Variants in DENND4C observed in about 807,000 individuals in gnomAD.
The protein encoded by DENND4C is DENN domain containing 4C.
In DENND4C, 108 loss-of-function variants were observed where a neutral mutation model predicts 203.0. The ratio of observed to expected loss-of-function variants is 0.53; its 90% CI spans 0.46 to 0.62. The LOEUF (loss-of-function observed/expected upper bound fraction) is 0.62, where lower values mean the gene tolerates loss of function less well. DENND4C is among the 20% of genes least tolerant of loss of function. DENND4C has a pLI of 0.00. For synonymous variants in DENND4C, 871 were observed against 792.4 expected, an observed-to-expected ratio of 1.10 and a Z score of -1.67; for missense variants, 2,481 against 2,301.2, an observed-to-expected ratio of 1.08 and a Z score of -1.60.
At chr9:19,337,714 G>C (rs1820791365) in intron 20 of DENND4C, 1 of 1,195,266 alleles carries the variant, frequency 8.4e-7, no homozygotes, top group Non-Finnish European at 1.1e-6. Context: ...TGACCTGCAA[G>C]GGTGGGGGAA....
At chr9:19,262,533 A>G (rs941589978) in intron 1 of DENND4C, among the ~76,000 whole-genome samples, 10 of 150,294 alleles carry the variant, frequency 6.7e-5, no homozygotes, top group African/African-American at 2.0e-4. Context: ...CCAGGTTCAC[A>G]TGATTCTCAT....
At chr9:19,308,441 C>G (rs149823092) in intron 10 of DENND4C, among the ~76,000 whole-genome samples, 304 of 152,260 alleles carry the variant, frequency 2.0e-3, no homozygotes, top group African/African-American at 6.8e-3. Context: ...ATTTTCATAT[C>G]TTTGTGCCCC....
At position 19,298,124 on chromosome 9, in the gene DENND4C, T is replaced by A; in HGVS notation, c.1107+2T>A. On this transcript the variant is annotated splice_donor_variant, in intron 7 of 32. Coordinates refer to ENST00000434457, the MANE Select transcript of DENND4C (RefSeq NM_001330640.2). LOFTEE classifies it high-confidence loss of function. Reference sequence around the variant, plus strand: ...CAAAGACCGAGAATCCTTGTCCAGGTAATCAAAAGAGAGTATATTTGGGGA... The same window carrying A: ...CAAAGACCGAGAATCCTTGTCCAGGAAATCAAAAGAGAGTATATTTGGGGA... 1.2e-6 allele frequency: 2 copies of A among 1,607,474 alleles called. No homozygotes were observed. The highest frequency in any genetic ancestry group is 1.7e-6 in the Non-Finnish European group (2 of 1,176,334).
rs1826574912 is a variant in DENND4C, at chr9:19,361,927, C to T, written c.5488C>T (p.Pro1830Ser). Residue 1830 changes from proline (P) to serine (S), a missense_variant, in exon 30 of 33, where the codon CCA (proline) becomes TCA (serine). By Grantham distance (74) the Pro-to-Ser change is moderately conservative (BLOSUM62 -1). This residue lies in a region of DENND4C where 2,289 missense variants were observed against 2,113.3 expected (regional missense o/e 1.08). Coordinates refer to ENST00000434457, the MANE Select transcript of DENND4C (RefSeq NM_001330640.2). ...GGATAATATCAACCTTCATCAGGAA[C>T]CAAGAGAACCTCTGTATGTCTCATG... ...LWDNINLHQE[P>S]REPLYVSWRN... is the part of the protein sequence containing the mutation. 1.2e-6 allele frequency: 2 copies of T among 1,609,188 alleles called. No individual in the cohort carries two copies. The highest frequency in any genetic ancestry group is 1.7e-5 in the Admixed American group (1 of 59,976).
At chr9:19,276,502 C>T (rs987784408) in intron 2 of DENND4C, 23 bp downstream of exon 2, 1 of 1,225,606 alleles carries the variant, frequency 8.2e-7, no homozygotes, top group South Asian at 4.2e-5. Context: ...CTTTTCTTTG[C>T]TATAGTGAAG....
intron 24 of DENND4C, among the ~76,000 whole-genome samples, chr9:19,351,824 AG>A (rs1446555189): frequency 6.6e-6 from 1 of 151,688 alleles, no homozygotes; most frequent in Non-Finnish European, 1.5e-5. Context: ...AAAAAAGAAA[AG>A]AAAAAAAAAT....
chr9:19,245,033 C>G (rs1488298996), intron 1 of DENND4C, among the ~76,000 whole-genome samples: 1 of 152,176 alleles, frequency 6.6e-6, no homozygotes, highest in Non-Finnish European at 1.5e-5. Flanking sequence ...TCTAACCTAC[C>G]TTAGCTGTCT....
chr9:19,351,679 C>T (rs957617123), intron 24 of DENND4C, among the ~76,000 whole-genome samples: 9 of 151,704 alleles, frequency 5.9e-5, no homozygotes, highest in Admixed American at 2.0e-4. Flanking sequence ...TGGCAGCGTG[C>T]GCCTGTAATC....
At chr9:19,255,133 C>T (rs1005109616) in intron 1 of DENND4C, among the ~76,000 whole-genome samples, 23 of 151,730 alleles carry the variant, frequency 1.5e-4, no homozygotes, top group Admixed American at 1.3e-3. Context: ...GTGGCAAGAG[C>T]GAAACTCTGT....
At position 19,340,933 on chromosome 9, in the gene DENND4C, A is replaced by G. The variant is rs555706587; in HGVS notation, c.2882-59A>G. ...TCAGTGGAATTTTCTTGTGATTTTT[A>G]TATATGAATTATAAGTATATGAAAA... is the stretch of plus-strand genomic sequence containing the variant. On this transcript the variant is annotated intron_variant, in intron 20 of 32. Transcript: ENST00000434457. 1.7e-5 allele frequency: 24 copies of G among 1,438,068 alleles called. No homozygotes were observed. The African/African-American group carries it at 2.4e-4, about 14-fold the overall frequency. 89.1% of individuals were successfully genotyped at this position (1,438,068 alleles called of 1,614,324 possible).
chr9:19,343,963 T>C (rs1198496532), intron 22 of DENND4C, among the ~76,000 whole-genome samples: 1 of 152,230 alleles, frequency 6.6e-6, no homozygotes, highest in African/African-American at 2.4e-5. Flanking sequence ...TTCTCAAATA[T>C]TGGGACCAGC....
intron 12 of DENND4C, among the ~76,000 whole-genome samples, chr9:19,320,073 A>C (rs1391425860): frequency 1.3e-5 from 2 of 152,228 alleles, no homozygotes; most frequent in Non-Finnish European, 2.9e-5. Flanking sequence ...CGTAAGCCAC[A>C]TATAAAATTT....
intron 20 of DENND4C, among the ~76,000 whole-genome samples, chr9:19,339,897 C>T (rs949028154): frequency 3.9e-5 from 6 of 152,094 alleles, no homozygotes; most frequent in African/African-American, 1.4e-4. Context: ...TGATGTACTC[C>T]TGTTTTATTC....
At chr9:19,234,406 A>G (rs1312295196) in intron 1 of DENND4C, among the ~76,000 whole-genome samples, 1 of 150,002 alleles carries the variant, frequency 6.7e-6, no homozygotes, top group African/African-American at 2.5e-5. Context: ...AAATTTTTTT[A>G]TTTTTAGTAG....
intron 3 of DENND4C, 142 bp from the exon 4 acceptor site, chr9:19,288,454 T>A: frequency 4.7e-6 from 2 of 424,160 alleles, no homozygotes. Context: ...TGCTTTGCTG[T>A]ATTTTATACT....
At chr9:19,237,644 T>C (rs1261825873) in intron 1 of DENND4C, among the ~76,000 whole-genome samples, 2 of 152,220 alleles carry the variant, frequency 1.3e-5, no homozygotes, top group East Asian at 3.9e-4. Context: ...GGCGTAGCCA[T>C]CGCACCCAGC....
Position 19,334,959 on chromosome 9 carries a change from ATTTT to A in DENND4C, c.2461-9_2461-6del. ...ATTAGTATACTAATTACTGACACTGATTTTTTTTTTTTGTTAGGTGTGCTATCGA... is the reference window on the plus strand; with the variant it reads ...ATTAGTATACTAATTACTGACACTGATTTTTTTTGTTAGGTGTGCTATCGA... On this transcript the variant is annotated splice_polypyrimidine_tract_variant and intron_variant, in intron 17 of 32. Transcript: ENST00000434457. 1 of 1,206,682 alleles carries A rather than the reference ATTTT, an allele frequency of 8.3e-7. No individual in the cohort carries two copies. Among genetic ancestry groups the A allele is most frequent in the South Asian group, 1.5e-5 (1 of 66,248 alleles). 74.7% of individuals were successfully genotyped at this position (1,206,682 alleles called of 1,614,324 possible).
At chr9:19,308,932 G>C (rs1224084706) in intron 10 of DENND4C, among the ~76,000 whole-genome samples, 1 of 152,004 alleles carries the variant, frequency 6.6e-6, no homozygotes, top group Non-Finnish European at 1.5e-5. Flanking sequence ...TTAAAATTAA[G>C]TTGTCTACAA....
chr9:19,331,473 T>C (rs1819163432), intron 16 of DENND4C, among the ~76,000 whole-genome samples: 1 of 152,146 alleles, frequency 6.6e-6, no homozygotes, highest in South Asian at 2.1e-4. Flanking sequence ...AGTGCTAGGA[T>C]TACAGGCATA....
Sources: gnomAD v4.1 joint callset for allele counts (sites outside exome capture counted in the v4.1 genomes callset) on GRCh38, gnomAD v4.1.1 for gene constraint, gnomAD v4.1.1 regional missense constraint, MANE v1.5 for transcripts, NCBI Gene and HGNC (gene_info 2026-07-23, HGNC 2026-07-21) for gene names.